TOR1B: variants seen among roughly 807,000 people sequenced by gnomAD.
TOR1B encodes torsin family 1 member B.
In TOR1B, 14 loss-of-function variants were observed where a neutral mutation model predicts 29.2. The observed-to-expected ratio is 0.48, with a 90% CI of 0.32 to 0.75. The LOEUF is 0.75. TOR1B is among the 30% of genes least tolerant of loss of function. The probability of loss-of-function intolerance (pLI) is 0.04; values close to 1 mark genes in which losing one functional copy is unlikely to be tolerated. For synonymous variants in TOR1B, 166 were observed against 179.8 expected (o/e 0.92, Z 0.62); for missense variants, 400 against 433.9 (o/e 0.92, Z 0.69).
chr9:129,803,301 T>G lies in TOR1B; in HGVS notation c.89T>G (p.Val30Gly). ...RVVAAFEPIT[V>G]GLAIGAASAI... is the part of the protein sequence containing the mutation. ...GTGGCGGCGTTCGAGCCCATCACCG[T>G]GGGCCTAGCCATCGGGGCCGCGTCG... The change falls in exon 1 of 5, where the codon GTG (valine) becomes GGG (glycine). Residue 30 changes from valine (V) to glycine (G), a missense_variant. Coordinates refer to ENST00000259339, the MANE Select transcript of TOR1B (RefSeq NM_014506.3). 1 of 1,588,108 alleles carries G rather than the reference T, an allele frequency of 6.3e-7. No individual in the cohort carries two copies. Among genetic ancestry groups the G allele is most frequent in the South Asian group, 1.1e-5 (1 of 88,278 alleles).
Position 129,809,886 on chromosome 9 carries a change from T to G in TOR1B, c.*303T>G. 7.9e-7 allele frequency: 1 copy of G among 1,267,730 alleles called. No individual in the cohort carries two copies. The highest frequency in any genetic ancestry group is 1.0e-6 in the Non-Finnish European group (1 of 995,390). 78.5% of individuals were successfully genotyped at this position (1,267,730 alleles called of 1,614,324 possible). On this transcript the variant is annotated 3_prime_UTR_variant, in exon 5 of 5. Transcript: ENST00000259339. ...CCAGCTGGGATATAGAATCTAAGAG[T>G]TGATTGTGGAAAACACGTGAATCTA...
chr9:129,808,001 C>T lies in TOR1B; in HGVS notation c.641+638C>T, dbSNP rs1318263857. On this transcript the variant is annotated intron_variant, in intron 3 of 4. Coordinates refer to ENST00000259339, the MANE Select transcript of TOR1B (RefSeq NM_014506.3). ...TTATTGAGCTATGATCATACCACTG[C>T]ACTCCTGCCTGGGTGACAATCAAGA... Among the ~76,000 whole-genome samples, 3 of 152,266 alleles carry T rather than the reference C, an allele frequency of 2.0e-5. No individual in the cohort carries two copies. The South Asian group carries it at 6.2e-4, about 32-fold the overall frequency.
Position 129,809,797 on chromosome 9 carries a change from G to A in TOR1B, c.*214G>A, listed in dbSNP as rs577262242. 2.1e-5 allele frequency: 29 copies of A among 1,394,610 alleles called. No individual in the cohort carries two copies. In the South Asian group the frequency reaches 3.7e-4, roughly 18 times the overall value. The allele number at this position is 1,394,610 out of a possible 1,614,324, so 86.4% of individuals were successfully genotyped here. A position where few individuals can be genotyped will look rare whatever the true frequency, so the allele number is the denominator to read the frequency against. On this transcript the variant is annotated 3_prime_UTR_variant, in exon 5 of 5. Coordinates refer to ENST00000259339, the MANE Select transcript of TOR1B (RefSeq NM_014506.3). ...CAACTCACTGCAACCTCCGCTCCCG[G>A]TTTGAGTGATTCTCATGCCTCAGCC...
intron 2 of TOR1B, 107 bp from the exon 3 acceptor site, chr9:129,807,081 G>T: frequency 9.2e-7 from 1 of 1,091,296 alleles, no homozygotes; most frequent in South Asian, 1.7e-5. Flanking sequence ...GCCATTCTAA[G>T]AGCTCTGACC....
intron 2 of TOR1B, among the ~76,000 whole-genome samples, chr9:129,804,836 C>CAAAA (rs34803368): frequency 1.6e-4 from 8 of 50,372 alleles, no homozygotes; most frequent in Admixed American, 5.5e-4. Flanking sequence ...TACTCGGTCT[C>CAAAA]AAAAAAAAAA....
rs552926410 is a variant in TOR1B, at chr9:129,808,980, G to C, written c.717G>C (p.Gln239His). ...CCGGAAGAAAGAGGGAAGACATTCAGCTGAAGGACCTGGAACCTGTACTGT... is the reference window on the plus strand; with the variant it reads ...CCGGAAGAAAGAGGGAAGACATTCACCTGAAGGACCTGGAACCTGTACTGT... ...WRAGRKREDI[Q>H]LKDLEPVLSV... is the part of the protein sequence containing the mutation. The change falls in exon 4 of 5, where the codon CAG becomes CAC. Residue 239 changes from glutamine to histidine, a missense_variant. Coordinates refer to ENST00000259339, the MANE Select transcript of TOR1B (RefSeq NM_014506.3). 2.5e-6 allele frequency: 4 copies of C among 1,614,134 alleles called. No homozygotes were observed. The South Asian group carries it at 4.4e-5, about 18-fold the overall frequency.
At chr9:129,804,387 G>C in intron 2 of TOR1B, 49 bp downstream of exon 2, 1 of 1,592,774 alleles carries the variant, frequency 6.3e-7, no homozygotes, top group Admixed American at 1.7e-5. Context: ...GGACTGGTCC[G>C]GGTGACCTGC....
At position 129,803,390 on chromosome 9, in the gene TOR1B, G is replaced by A. The variant is rs750076924; in HGVS notation, c.178G>A (p.Glu60Lys). 6.4e-7 allele frequency: 1 copy of A among 1,550,682 alleles called. No individual in the cohort carries two copies. The highest frequency in any genetic ancestry group is 1.2e-5 in the South Asian group (1 of 84,982). ...YCRFAECCRE[E>K]RPLNASALKL... is the part of the protein sequence containing the mutation. ...CCGCTTCGCCGAGTGCTGCCGCGAG[G>A]AGCGGCCGCTCAACGCTTCGGGTAC... The change falls in exon 1 of 5, where the codon GAG becomes AAG. Residue 60 changes from glutamate to lysine, a missense_variant. Coordinates refer to ENST00000259339, the MANE Select transcript of TOR1B (RefSeq NM_014506.3).
chr9:129,810,466 C>CT lies in TOR1B; in HGVS notation c.*884dup. On this transcript the variant is annotated 3_prime_UTR_variant, in exon 5 of 5. Coordinates refer to ENST00000259339, the MANE Select transcript of TOR1B (RefSeq NM_014506.3). ...CCCTGGCTGTGGAATCCTTCACCGT[C>CT]TCAGCTGGTATCAGCCCCAGCCTGC... 1 of 1,159,804 alleles carries CT rather than the reference C, an allele frequency of 8.6e-7. No homozygotes were observed. Among genetic ancestry groups the CT allele is most frequent in the Admixed American group, 3.4e-5 (1 of 29,642 alleles). 71.8% of individuals were successfully genotyped at this position (1,159,804 alleles called of 1,614,324 possible).
chr9:129,803,938 C>T, intron 1 of TOR1B, 135 bp from the exon 2 acceptor site: 1 of 1,155,888 alleles, frequency 8.7e-7, no homozygotes. Flanking sequence ...ACTGCCTCGG[C>T]CCTAGGGTGT....
In TOR1B at chr9:129,803,305, C is replaced by T. The variant is rs141359830; in HGVS notation, c.93C>T (p.Gly31=). The T allele has an allele frequency of 7.7e-5, 123 of 1,589,152 alleles. No individual in the cohort carries two copies. The African/African-American group carries it at 1.4e-3, about 18-fold the overall frequency. The change falls in exon 1 of 5, where the codon GGC becomes GGT. Residue 31 remains glycine, a synonymous_variant. Transcript: ENST00000259339. The part of the protein sequence containing the change: ...VVAAFEPITV[G]LAIGAASAIT... ...CGGCGTTCGAGCCCATCACCGTGGG[C>T]CTAGCCATCGGGGCCGCGTCGGCCA...
In TOR1B at chr9:129,807,229, T is replaced by C; in HGVS notation, c.507T>C (p.Cys169=). 1 of 1,614,180 alleles carries C rather than the reference T, an allele frequency of 6.2e-7. No homozygotes were observed. Among genetic ancestry groups the C allele is most frequent in the Non-Finnish European group, 8.5e-7 (1 of 1,180,040 alleles). Residue 169 remains cysteine, a synonymous_variant, in exon 3 of 5, where the codon TGT becomes TGC. Coordinates refer to ENST00000259339, the MANE Select transcript of TOR1B (RefSeq NM_014506.3). Reference sequence around the variant, plus strand: ...GGATCCGCGGTAATGTGAGTGCATGTGCGAACTCTGTTTTCATATTTGACG... The same window carrying C: ...GGATCCGCGGTAATGTGAGTGCATGCGCGAACTCTGTTTTCATATTTGACG... ...QKWIRGNVSA[C]ANSVFIFDEM...
At chr9:129,804,593 C>T in intron 2 of TOR1B, 1 of 466,284 alleles carries the variant, frequency 2.1e-6, no homozygotes, top group Non-Finnish European at 3.8e-6. Context: ...GGCGCCGTGG[C>T]TCACGCCTGT....
In TOR1B at chr9:129,803,337, G is replaced by A; in HGVS notation, c.125G>A (p.Gly42Asp). 1.3e-6 allele frequency: 2 copies of A among 1,591,638 alleles called. No individual in the cohort carries two copies. Among genetic ancestry groups the A allele is most frequent in the East Asian group, 2.4e-5 (1 of 42,406 alleles). ...ATCGGGGCCGCGTCGGCCATCACCG[G>A]CTACCTGTCCTACAATGACATCTAC... ...LAIGAASAIT[G>D]YLSYNDIYCR... The change falls in exon 1 of 5, where the codon GGC becomes GAC. Residue 42 changes from glycine (G) to aspartate (D), a missense_variant. Coordinates refer to ENST00000259339, the MANE Select transcript of TOR1B (RefSeq NM_014506.3).
Position 129,807,239 on chromosome 9 carries a change from GT to G in TOR1B, c.521del (p.Phe174SerfsTer21), listed in dbSNP as rs747607032. ...RGNVSACANS[V>X]FIFDEMDKLH... Reference sequence around the variant, plus strand: ...TAATGTGAGTGCATGTGCGAACTCTGTTTTCATATTTGACGAGATGGATAAA... The same window carrying G: ...TAATGTGAGTGCATGTGCGAACTCTGTTTCATATTTGACGAGATGGATAAA... On this transcript the variant is annotated frameshift_variant, in exon 3 of 5. Transcript: ENST00000259339. LOFTEE classifies it high-confidence loss of function. 12 of 1,613,994 alleles carry G rather than the reference GT, an allele frequency of 7.4e-6. No individual in the cohort carries two copies. The Admixed American group carries it at 1.8e-4, about 25-fold the overall frequency.
At position 129,803,359 on chromosome 9, in the gene TOR1B, C is replaced by CTACTGCCGCTTCGCCGAG. The variant is rs773126552; in HGVS notation, c.149_166dup (p.Tyr50_Glu55dup). The CTACTGCCGCTTCGCCGAG allele has an allele frequency of 6.3e-7, 1 of 1,578,242 alleles. No homozygotes were observed. Among genetic ancestry groups the CTACTGCCGCTTCGCCGAG allele is most frequent in the Non-Finnish European group, 8.6e-7 (1 of 1,165,804 alleles). On this transcript the variant is annotated inframe_insertion, in exon 1 of 5. Coordinates refer to ENST00000259339, the MANE Select transcript of TOR1B (RefSeq NM_014506.3). ...CCGGCTACCTGTCCTACAATGACAT[C>CTACTGCCGCTTCGCCGAG]TACTGCCGCTTCGCCGAGTGCTGCC... is the stretch of plus-strand genomic sequence containing the variant.
Position 129,804,202 on chromosome 9 carries a change from G to A in TOR1B, c.329G>A (p.Trp110Ter). ...KKPLTLSLHG[W>*]AGTGKNFVSQ... is the part of the protein sequence containing the mutation. ...CCACTGACCCTTTCCTTACACGGCT[G>A]GGCTGGCACAGGCAAGAATTTTGTC... Residue 110 changes from tryptophan to a stop codon, truncating the protein, a stop_gained, in exon 2 of 5, where the codon TGG (tryptophan) becomes TAG (stop). Coordinates refer to ENST00000259339, the MANE Select transcript of TOR1B (RefSeq NM_014506.3). LOFTEE classifies it high-confidence loss of function. The A allele has an allele frequency of 6.2e-7, 1 of 1,614,210 alleles. No individual in the cohort carries two copies. Among genetic ancestry groups the A allele is most frequent in the African/African-American group, 1.3e-5 (1 of 75,050 alleles).
In TOR1B at chr9:129,803,198, GC is replaced by G. The variant is rs2030250508; in HGVS notation, c.-14del. 6.9e-7 allele frequency: 1 copy of G among 1,450,290 alleles called. No homozygotes were observed. The highest frequency in any genetic ancestry group is 1.4e-5 in the South Asian group (1 of 70,264). 89.8% of individuals were successfully genotyped at this position (1,450,290 alleles called of 1,614,324 possible). A position where few individuals can be genotyped will look rare whatever the true frequency, so the allele number is the denominator to read the frequency against. On this transcript the variant is annotated 5_prime_UTR_variant, in exon 1 of 5. Coordinates refer to ENST00000259339, the MANE Select transcript of TOR1B (RefSeq NM_014506.3). ...GCGCCTGGCTCAGTGGCTTCTGCGG[GC>G]TTCGAGGAGCGGGATGTTGCGGGCT...
At chr9:129,803,904 T>A (rs925702789) in intron 1 of TOR1B, among the ~76,000 whole-genome samples, 169 bp from the exon 2 acceptor site, 3 of 152,214 alleles carry the variant, frequency 2.0e-5, no homozygotes, top group Non-Finnish European at 4.4e-5. Context: ...GACCTCCACA[T>A]AATCTTGAAA....
Sources: gnomAD v4.1 joint callset for allele counts (sites outside exome capture counted in the v4.1 genomes callset) on GRCh38, gnomAD v4.1.1 for gene constraint, MANE v1.5 for transcripts, NCBI Gene and HGNC (gene_info 2026-07-23, HGNC 2026-07-21) for gene names.